Variants in KIAA1549L observed in about 807,000 individuals in gnomAD.
The protein encoded by KIAA1549L is UPF0606 protein KIAA1549L.
Under a neutral mutation model 160.7 loss-of-function variants are expected in KIAA1549L, and 88 were observed. That is an observed-to-expected ratio of 0.55 (90% CI 0.46 to 0.65). The LOEUF (loss-of-function observed/expected upper bound fraction) is 0.65, where lower values mean the gene tolerates loss of function less well. KIAA1549L is among the 30% of genes least tolerant of loss of function. The probability of loss-of-function intolerance (pLI) is 0.00; values close to 1 mark genes in which losing one functional copy is unlikely to be tolerated. For synonymous variants in KIAA1549L, 950 were observed against 976.7 expected, an observed-to-expected ratio of 0.97 and a Z score of 0.51; for missense variants, 2,258 against 2,437.5, an observed-to-expected ratio of 0.93 and a Z score of 1.55.
At chr11:33,558,209 G>C (rs889307141) in intron 6 of KIAA1549L, among the ~76,000 whole-genome samples, 9 of 152,206 alleles carry the variant, frequency 5.9e-5, no homozygotes, top group African/African-American at 2.2e-4. Context: ...GTTAGTCAGT[G>C]TCCTGACAGG....
intron 16 of KIAA1549L, among the ~76,000 whole-genome samples, chr11:33,636,678 AT>A (rs1185006336): frequency 3.9e-5 from 6 of 152,140 alleles, no homozygotes; most frequent in Admixed American, 3.3e-4. Flanking sequence ...TATTGTTATA[AT>A]TGTTCTTTTA....
chr11:33,672,006 C>T lies in KIAA1549L; in HGVS notation c.*3852C>T, dbSNP rs1458478175. On this transcript the variant is annotated 3_prime_UTR_variant, in exon 21 of 21. Transcript: ENST00000658780. ...ATTCAGTCCAACCTCAAAGGTGTTC[C>T]AGGCAAGGAGTTTTGCAAGGACTAG... 6.6e-6 allele frequency: 1 copy of T among 152,200 alleles called. No homozygotes were observed. Among genetic ancestry groups the T allele is most frequent in the African/African-American group, 2.4e-5 (1 of 41,452 alleles). 9.4% of individuals were successfully genotyped at this position (152,200 alleles called of 1,614,324 possible). A position where few individuals can be genotyped will look rare whatever the true frequency, so the allele number is the denominator to read the frequency against.
At chr11:33,509,366 CA>C (rs1283880664) in intron 1 of KIAA1549L, among the ~76,000 whole-genome samples, 12 of 152,112 alleles carry the variant, frequency 7.9e-5, no homozygotes, top group African/African-American at 2.7e-4. Context: ...ACTCCATTAC[CA>C]AAAAACCCAG....
chr11:33,551,063 T>C lies in KIAA1549L; in HGVS notation c.3525T>C (p.His1175=). ...SAHVDILEYS[H]NVTVGYYATK... ...AGGTGGACATTCTGGAATATTCTCA[T>C]AATGTCACAGTTGGTTATTATGCTA... The change falls in exon 5 of 21, where the codon CAT becomes CAC. Residue 1175 remains histidine, a synonymous_variant. Transcript: ENST00000658780. 1 of 1,613,884 alleles carries C rather than the reference T, an allele frequency of 6.2e-7. No individual in the cohort carries two copies.
rs891473387 is a variant in KIAA1549L at position 33,672,532 on chromosome 11, A to G, written c.*4378A>G. ...GGGGCTGGTACCCAGAAGAAGGAGC[A>G]TGAGTGGGCAAGACCTTCAAAAAGA... On this transcript the variant is annotated 3_prime_UTR_variant, in exon 21 of 21. Coordinates refer to ENST00000658780, the MANE Select transcript of KIAA1549L (RefSeq NM_012194.3). 6.5e-6 allele frequency: 1 copy of G among 153,738 alleles called. No homozygotes were observed. Among genetic ancestry groups the G allele is most frequent in the African/African-American group, 2.4e-5 (1 of 41,456 alleles). The allele number at this position is 153,738 out of a possible 1,614,324, so 9.5% of individuals were successfully genotyped here.
chr11:33,390,686 G>T (rs1850256906), intron 1 of KIAA1549L, among the ~76,000 whole-genome samples: 2 of 152,190 alleles, frequency 1.3e-5, no homozygotes, highest in Admixed American at 6.5e-5. Flanking sequence ...TCAGTTTGGA[G>T]GGCAAACTTC....
intron 17 of KIAA1549L, among the ~76,000 whole-genome samples, chr11:33,651,249 C>T (rs2133419537): frequency 6.6e-6 from 1 of 152,100 alleles, no homozygotes; most frequent in East Asian, 1.9e-4. Context: ...CCAGCCTGGC[C>T]AACATGGTGA....
intron 10 of KIAA1549L, among the ~76,000 whole-genome samples, chr11:33,576,088 G>T (rs2133251568): frequency 6.6e-6 from 1 of 152,232 alleles, no homozygotes; most frequent in South Asian, 2.1e-4. Context: ...AGGGGAAAGG[G>T]TATGAAGGTG....
intron 1 of KIAA1549L, among the ~76,000 whole-genome samples, chr11:33,434,932 T>C (rs1324362485): frequency 6.6e-6 from 1 of 152,214 alleles, no homozygotes; most frequent in East Asian, 1.9e-4. Context: ...AAAGCCACCA[T>C]TATAGGTATA....
chr11:33,637,861 A>G (rs998966882), intron 16 of KIAA1549L, among the ~76,000 whole-genome samples: 5 of 152,214 alleles, frequency 3.3e-5, no homozygotes, highest in African/African-American at 9.6e-5. Context: ...ATACAGTCAC[A>G]TTCTGAGATG....
At chr11:33,510,822 A>C (rs866136564) in intron 1 of KIAA1549L, among the ~76,000 whole-genome samples, 3 of 152,202 alleles carry the variant, frequency 2.0e-5, no homozygotes, top group African/African-American at 4.8e-5. Flanking sequence ...GCCCTGGAGA[A>C]TCTGACCCAG....
At chr11:33,637,787 A>T (rs1043994455) in intron 16 of KIAA1549L, among the ~76,000 whole-genome samples, 1 of 152,058 alleles carries the variant, frequency 6.6e-6, no homozygotes, top group African/African-American at 2.4e-5. Context: ...AGTCCTTTGG[A>T]CCCAAGGGTC....
At chr11:33,621,800 C>T (rs572909918) in intron 16 of KIAA1549L, among the ~76,000 whole-genome samples, 268 of 152,282 alleles carry the variant, frequency 1.8e-3, no homozygotes, top group Non-Finnish European at 3.1e-3. Context: ...ATTAAATCAT[C>T]CCCCAGAAAG....
At chr11:33,456,280 A>G (rs541084876) in intron 1 of KIAA1549L, among the ~76,000 whole-genome samples, 49 of 152,174 alleles carry the variant, frequency 3.2e-4, no homozygotes, top group Non-Finnish European at 5.6e-4. Context: ...TATCATGGGA[A>G]TGTCATAACG....
intron 1 of KIAA1549L, among the ~76,000 whole-genome samples, chr11:33,389,474 A>G (rs957525283): frequency 1.3e-5 from 2 of 152,214 alleles, no homozygotes; most frequent in African/African-American, 4.8e-5. Flanking sequence ...TTGGAGCATT[A>G]TTTTGAACAT....
At chr11:33,439,359 TG>T (rs1444510011) in intron 1 of KIAA1549L, among the ~76,000 whole-genome samples, 1 of 152,146 alleles carries the variant, frequency 6.6e-6, no homozygotes. Flanking sequence ...TCAAGGTATT[TG>T]GGGGTATCTA....
At chr11:33,666,850 A>G (rs1243877016) in intron 20 of KIAA1549L, among the ~76,000 whole-genome samples, 1 of 152,010 alleles carries the variant, frequency 6.6e-6, no homozygotes, top group Non-Finnish European at 1.5e-5. Context: ...AGACCGTGGC[A>G]CTCTTCAGTT....
At chr11:33,484,092 G>A (rs1283425388) in intron 1 of KIAA1549L, among the ~76,000 whole-genome samples, 5 of 152,054 alleles carry the variant, frequency 3.3e-5, no homozygotes, top group South Asian at 4.2e-4. Context: ...AACCAGAATG[G>A]CATTCTCTTA....
chr11:33,653,320 G>A (rs1310755487), intron 17 of KIAA1549L, among the ~76,000 whole-genome samples: 3 of 152,238 alleles, frequency 2.0e-5, no homozygotes, highest in Non-Finnish European at 4.4e-5. Flanking sequence ...CAGCAACGTA[G>A]CTTTCCAAAT....
Sources: gnomAD v4.1 joint callset for allele counts (sites outside exome capture counted in the v4.1 genomes callset) on GRCh38, gnomAD v4.1.1 for gene constraint, MANE v1.5 for transcripts, NCBI Gene and HGNC (gene_info 2026-07-23, HGNC 2026-07-21) for gene names.